The following FAM149B1 variants were observed in gnomAD, a reference collection of about 807,000 sequenced individuals.
FAM149B1 encodes family with sequence similarity 149 member B1.
A neutral mutation model predicts 75.3 loss-of-function variants in FAM149B1; 56 were observed. The observed-to-expected ratio is 0.74, with a 90% CI of 0.60 to 0.93. FAM149B1 has a LOEUF of 0.93. Among genes scored for constraint, FAM149B1 ranks in the 40% least tolerant of loss-of-function variants. The probability of loss-of-function intolerance (pLI) is 0.00; values close to 1 mark genes in which losing one functional copy is unlikely to be tolerated. For missense variants in FAM149B1, 639 were observed against 708.4 expected (o/e 0.90, Z 1.11); for synonymous variants, 259 against 256.1 (o/e 1.01, Z -0.11).
At chr10:73,196,324 C>CT (rs1035328920) in intron 5 of FAM149B1, among the ~76,000 whole-genome samples, 189 of 144,594 alleles carry the variant, frequency 1.3e-3, no homozygotes, top group Middle Eastern at 3.6e-3. Flanking sequence ...GCCCCCCACC[C>CT]TTTTTTTTTT....
intron 8 of FAM149B1, chr10:73,230,167 GT>G (rs1454742660): frequency 2.8e-6 from 1 of 356,562 alleles, no homozygotes; most frequent in African/African-American, 2.0e-5. Flanking sequence ...TAAGAGGGCT[GT>G]TAATTGTTTT....
intron 7 of FAM149B1, among the ~76,000 whole-genome samples, chr10:73,226,642 T>C (rs942964718): frequency 2.0e-4 from 30 of 152,246 alleles, no homozygotes; most frequent in African/African-American, 5.3e-4. Flanking sequence ...TAAATACTAA[T>C]ATCTATTTCA....
rs1181880871 is a variant in FAM149B1, at chr10:73,208,657, C to T, written c.581C>T (p.Ser194Phe). 3.2e-6 allele frequency: 5 copies of T among 1,544,090 alleles called. No homozygotes were observed. The African/African-American group carries it at 6.9e-5, about 21-fold the overall frequency. Residue 194 changes from serine to phenylalanine, a missense_variant, in exon 6 of 14, where the codon TCT becomes TTT. Coordinates refer to ENST00000242505, the MANE Select transcript of FAM149B1 (RefSeq NM_173348.2). ...IRGKKLHFSS[S>F]YAHKASSIAK... ...GGAAAGAAGTTACATTTTTCATCTT[C>T]TTATGCTCATAAAGCATCTTCCATT... is the stretch of plus-strand genomic sequence containing the variant.
intron 1 of FAM149B1, among the ~76,000 whole-genome samples, chr10:73,171,667 C>T (rs1227945795): frequency 1.4e-5 from 2 of 147,208 alleles, no homozygotes; most frequent in African/African-American, 2.5e-5. Context: ...CTCACTCTGT[C>T]GCCCAGGCTG....
At chr10:73,200,871 G>T in intron 5 of FAM149B1, 2 of 510,038 alleles carry the variant, frequency 3.9e-6, no homozygotes, top group South Asian at 3.0e-5. Context: ...TGGACTGGCT[G>T]ACTGAGAAAA....
chr10:73,171,072 G>A (rs575232376), intron 1 of FAM149B1, among the ~76,000 whole-genome samples: 1 of 151,988 alleles, frequency 6.6e-6, no homozygotes, highest in Non-Finnish European at 1.5e-5. Context: ...AGGTTCAAGT[G>A]ATTCTTCCAC....
chr10:73,184,086 C>T (rs2042464036), intron 3 of FAM149B1, among the ~76,000 whole-genome samples: 1 of 151,704 alleles, frequency 6.6e-6, no homozygotes, highest in Non-Finnish European at 1.5e-5. Flanking sequence ...ACTGACTAAG[C>T]TATCTACACA....
At chr10:73,224,147 CAG>C (rs1293851312) in intron 7 of FAM149B1, among the ~76,000 whole-genome samples, 3 of 152,124 alleles carry the variant, frequency 2.0e-5, no homozygotes, top group Non-Finnish European at 4.4e-5. Context: ...TACCTTAAAA[CAG>C]GGGTCAGGAA....
chr10:73,195,722 C>G (rs112134601), intron 5 of FAM149B1, among the ~76,000 whole-genome samples: 1 of 152,122 alleles, frequency 6.6e-6, no homozygotes, highest in Non-Finnish European at 1.5e-5. Flanking sequence ...TACTTGCTAC[C>G]ACCACTGTTG....
chr10:73,215,437 G>T (rs1235585039), intron 7 of FAM149B1, among the ~76,000 whole-genome samples: 1 of 151,884 alleles, frequency 6.6e-6, no homozygotes, highest in Non-Finnish European at 1.5e-5. Flanking sequence ...GCCCAGACTG[G>T]TCTCAAACTC....
At chr10:73,182,883 T>G (rs61865817) in intron 3 of FAM149B1, among the ~76,000 whole-genome samples, 3 of 152,350 alleles carry the variant, frequency 2.0e-5, no homozygotes, top group East Asian at 3.9e-4. Flanking sequence ...TGCAGTAATT[T>G]GTTACACTGC....
At chr10:73,238,081 T>C (rs112666357) in intron 12 of FAM149B1, among the ~76,000 whole-genome samples, 23,333 of 152,052 alleles carry the variant, frequency 0.15, 2,936 homozygotes, top group African/African-American at 0.32. Context: ...TGCAGTGGCT[T>C]ACACCTGTAA....
intron 5 of FAM149B1, among the ~76,000 whole-genome samples, chr10:73,204,306 G>A (rs1180283765): frequency 2.0e-5 from 3 of 151,836 alleles, no homozygotes; most frequent in Non-Finnish European, 4.4e-5. Context: ...TGTATTTTTA[G>A]TAGAGACGGG....
chr10:73,175,777 C>G (rs566267017), intron 2 of FAM149B1, among the ~76,000 whole-genome samples: 1 of 149,042 alleles, frequency 6.7e-6, no homozygotes, highest in East Asian at 2.0e-4. Flanking sequence ...TAAAAAAGAA[C>G]ATGGACTCAG....
At chr10:73,212,437 C>T (rs946470708) in intron 7 of FAM149B1, among the ~76,000 whole-genome samples, 5 of 152,110 alleles carry the variant, frequency 3.3e-5, no homozygotes, top group Admixed American at 3.3e-4. Flanking sequence ...TGCACCATCA[C>T]GCCCAGCTAA....
chr10:73,203,789 G>A (rs1184861218), intron 5 of FAM149B1, among the ~76,000 whole-genome samples: 1 of 151,952 alleles, frequency 6.6e-6, no homozygotes, highest in Non-Finnish European at 1.5e-5. Flanking sequence ...ATAGGTGCAT[G>A]CCACCATACC....
At chr10:73,213,398 G>A (rs2043233127) in intron 7 of FAM149B1, among the ~76,000 whole-genome samples, 1 of 152,016 alleles carries the variant, frequency 6.6e-6, no homozygotes, top group Non-Finnish European at 1.5e-5. Context: ...TAAATTCTTT[G>A]CCTGGACAAT....
chr10:73,174,658 G>A, intron 1 of FAM149B1, 29 bp from the exon 2 acceptor site: 1 of 1,435,840 alleles, frequency 7.0e-7, no homozygotes, highest in African/African-American at 1.4e-5. Flanking sequence ...TTTTATACAG[G>A]AAATATAACT....
chr10:73,174,642 GTATTTTTT>G, intron 1 of FAM149B1, 37 bp from the exon 2 acceptor site: 1 of 1,331,980 alleles, frequency 7.5e-7, no homozygotes, highest in Non-Finnish European at 1.1e-6. Context: ...TGAATTGTAT[GTATTTTTT>G]TATACAGGAA....
Sources: allele counts gnomAD v4.1 joint callset (sites outside exome capture counted in the v4.1 genomes callset), GRCh38; gene constraint gnomAD v4.1.1; transcripts MANE v1.5; gene names NCBI Gene and HGNC (gene_info 2026-07-23, HGNC 2026-07-21).